The following STAU2 variants were observed in gnomAD, a reference collection of about 807,000 sequenced individuals.
STAU2 encodes the protein staufen double-stranded RNA binding protein 2.
In STAU2, 20 loss-of-function variants were observed where a neutral mutation model predicts 65.9. The ratio of observed to expected loss-of-function variants is 0.30; its 90% confidence interval spans 0.21 to 0.44. The LOEUF (loss-of-function observed/expected upper bound fraction) is 0.44. STAU2 is among the 20% of genes least tolerant of loss of function. The pLI, the probability that STAU2 is intolerant of heterozygous loss-of-function variation, is 1.00. For missense variants in STAU2, 558 were observed against 683.9 expected (o/e 0.82, Z 2.05); for synonymous variants, 232 against 233.9 (o/e 0.99, Z 0.07).
intron 6 of STAU2, among the ~76,000 whole-genome samples, chr8:73,646,286 T>A (rs1334385782): frequency 6.6e-6 from 1 of 152,180 alleles, no homozygotes; most frequent in Non-Finnish European, 1.5e-5. Context: ...GTATTCAATT[T>A]TGAAAAAGAA....
chr8:73,559,881 T>C (rs73328730), intron 12 of STAU2, among the ~76,000 whole-genome samples: 9,777 of 151,946 alleles, frequency 0.064, 819 homozygotes, highest in African/African-American at 0.2. Context: ...ATACTACTTA[T>C]GAAATCAAAA....
intron 13 of STAU2, among the ~76,000 whole-genome samples, chr8:73,503,718 A>G (rs1821889563): frequency 6.6e-6 from 1 of 152,106 alleles, no homozygotes; most frequent in African/African-American, 2.4e-5. Context: ...TAATTAAACA[A>G]GTGATGCAAC....
intron 13 of STAU2, among the ~76,000 whole-genome samples, chr8:73,455,754 T>A (rs752369428): frequency 1.3e-5 from 2 of 152,238 alleles, no homozygotes. Context: ...ATATCTGTTA[T>A]AGTTTTTTTT....
At chr8:73,688,448 G>T (rs529413981) in intron 5 of STAU2, among the ~76,000 whole-genome samples, 14 of 152,162 alleles carry the variant, frequency 9.2e-5, no homozygotes, top group African/African-American at 2.9e-4. Flanking sequence ...TTACAGGCGT[G>T]AGCCAACGCA....
chr8:73,716,090 T>G (rs1428547928), intron 3 of STAU2, among the ~76,000 whole-genome samples: 8 of 137,994 alleles, frequency 5.8e-5, no homozygotes, highest in Admixed American at 7.1e-5. Context: ...AATTTTTTTT[T>G]CTTTTTTTTT....
At chr8:73,426,410 C>T (rs956270840) in intron 13 of STAU2, among the ~76,000 whole-genome samples, 2 of 152,100 alleles carry the variant, frequency 1.3e-5, no homozygotes, top group Admixed American at 1.3e-4. Flanking sequence ...GAACTTATTC[C>T]TCATATCTAG....
At chr8:73,688,869 T>C (rs370454412) in intron 4 of STAU2, 56 bp from the exon 5 acceptor site, 11 of 1,580,680 alleles carry the variant, frequency 7.0e-6, no homozygotes, top group South Asian at 5.7e-5. Flanking sequence ...AGAAATAAAA[T>C]TGGCTGTCTG....
chr8:73,442,113 G>A (rs1818189936), intron 13 of STAU2, among the ~76,000 whole-genome samples: 1 of 152,124 alleles, frequency 6.6e-6, no homozygotes, highest in South Asian at 2.1e-4. Context: ...CCAGCACTTT[G>A]GGAGGCCGAG....
chr8:73,707,856 G>T (rs930579496), intron 4 of STAU2, among the ~76,000 whole-genome samples: 1 of 151,404 alleles, frequency 6.6e-6, no homozygotes, highest in Non-Finnish European at 1.5e-5. Context: ...GGAATCAGAG[G>T]TTTCACAAAC....
intron 3 of STAU2, among the ~76,000 whole-genome samples, chr8:73,709,846 G>C (rs1177409931): frequency 1.3e-5 from 2 of 151,524 alleles, no homozygotes; most frequent in African/African-American, 4.8e-5. Context: ...CTTTTACAGA[G>C]TATTGATGTA....
chr8:73,627,002 T>A (rs1442950135), intron 6 of STAU2, among the ~76,000 whole-genome samples: 1 of 151,844 alleles, frequency 6.6e-6, no homozygotes, highest in Non-Finnish European at 1.5e-5. Flanking sequence ...GTGCCTCCCC[T>A]GTGGTGGCTG....
intron 6 of STAU2, among the ~76,000 whole-genome samples, chr8:73,638,518 T>TAAAA (rs750824602): frequency 7.1e-6 from 1 of 141,808 alleles, no homozygotes; most frequent in African/African-American, 2.6e-5. Context: ...TTTTTTTTTT[T>TAAAA]AAAAAGAGTC....
intron 13 of STAU2, among the ~76,000 whole-genome samples, chr8:73,512,817 C>A (rs1189409750): frequency 1.3e-5 from 2 of 152,178 alleles, no homozygotes; most frequent in Admixed American, 1.3e-4. Flanking sequence ...TTGAGTTACT[C>A]AAGTGAATTT....
chr8:73,461,574 TAAATGC>T (rs1819352158), intron 13 of STAU2, among the ~76,000 whole-genome samples: 1 of 151,974 alleles, frequency 6.6e-6, no homozygotes, highest in Non-Finnish European at 1.5e-5. Context: ...TTCTATGTAT[TAAATGC>T]ACATGCTAAG....
At chr8:73,597,791 T>C (rs952229477) in intron 10 of STAU2, among the ~76,000 whole-genome samples, 7 of 149,380 alleles carry the variant, frequency 4.7e-5, no homozygotes, top group Non-Finnish European at 7.4e-5. Flanking sequence ...TGCCACAGAA[T>C]AAGCCTAAAG....
chr8:73,703,470 T>C (rs578198423), intron 4 of STAU2, among the ~76,000 whole-genome samples: 2 of 152,310 alleles, frequency 1.3e-5, no homozygotes, highest in South Asian at 4.1e-4. Context: ...AATACAAGAA[T>C]GGACTAATAC....
At chr8:73,442,251 G>C (rs1003644499) in intron 13 of STAU2, among the ~76,000 whole-genome samples, 1 of 152,076 alleles carries the variant, frequency 6.6e-6, no homozygotes, top group African/African-American at 2.4e-5. Flanking sequence ...CTACTCGGGA[G>C]GCTGAGGCAG....
chr8:73,713,213 A>G (rs1054984407), intron 3 of STAU2, among the ~76,000 whole-genome samples: 2 of 152,226 alleles, frequency 1.3e-5, no homozygotes, highest in African/African-American at 4.8e-5. Flanking sequence ...AAACATAAAT[A>G]TACTCTATTT....
intron 6 of STAU2, among the ~76,000 whole-genome samples, chr8:73,664,846 G>A (rs1357791101): frequency 6.6e-6 from 1 of 151,988 alleles, no homozygotes; most frequent in African/African-American, 2.4e-5. Context: ...CAAAAAATTA[G>A]CCAGGTGTGG....
Sources: allele counts gnomAD v4.1 joint callset (sites outside exome capture counted in the v4.1 genomes callset), GRCh38; gene constraint gnomAD v4.1.1; transcripts MANE v1.5; gene names NCBI Gene and HGNC (gene_info 2026-07-23, HGNC 2026-07-21).